The following SLC35F1 variants were observed in gnomAD, a reference collection of about 807,000 sequenced individuals.
The protein encoded by SLC35F1 is solute carrier family 35 member F1.
A neutral mutation model predicts 48.7 loss-of-function variants in SLC35F1; 14 were observed. The ratio of observed to expected loss-of-function variants is 0.29; its 90% confidence interval spans 0.19 to 0.45. The LOEUF (loss-of-function observed/expected upper bound fraction) is 0.45. Among genes scored for constraint, SLC35F1 ranks in the 20% least tolerant of loss-of-function variants. The pLI is 1.00. For synonymous variants in SLC35F1, 190 were observed against 202.2 expected (o/e 0.94, Z 0.51); for missense variants, 404 against 500.0 (o/e 0.81, Z 1.83).
intron 4 of SLC35F1, among the ~76,000 whole-genome samples, chr6:118,267,473 A>G (rs1414310793): frequency 2.0e-5 from 3 of 152,212 alleles, no homozygotes; most frequent in African/African-American, 7.2e-5. Context: ...TTCCTGAACC[A>G]GCTGCCTGGC....
At chr6:118,155,296 G>A (rs1236847171) in intron 2 of SLC35F1, among the ~76,000 whole-genome samples, 2 of 152,164 alleles carry the variant, frequency 1.3e-5, no homozygotes, top group Non-Finnish European at 2.9e-5. Context: ...TGGTTTGAAT[G>A]TCCCCTCCAA....
At chr6:118,309,681 T>A (rs1776351705) in intron 7 of SLC35F1, among the ~76,000 whole-genome samples, 1 of 152,210 alleles carries the variant, frequency 6.6e-6, no homozygotes, top group Non-Finnish European at 1.5e-5. Context: ...TAGATTTAAG[T>A]CCATTGAAGT....
chr6:118,254,802 A>C (rs539611384), intron 3 of SLC35F1, among the ~76,000 whole-genome samples: 1 of 152,130 alleles, frequency 6.6e-6, no homozygotes. Context: ...TGTTACTGTT[A>C]ATGTTCCTAT....
At chr6:118,190,970 A>C (rs1240207959) in intron 2 of SLC35F1, among the ~76,000 whole-genome samples, 1 of 152,200 alleles carries the variant, frequency 6.6e-6, no homozygotes, top group Non-Finnish European at 1.5e-5. Flanking sequence ...GAGAATTTAA[A>C]GTCTGTTGTG....
chr6:118,165,190 A>G (rs113918302), intron 2 of SLC35F1, among the ~76,000 whole-genome samples: 3,510 of 152,286 alleles, frequency 0.023, 135 homozygotes, highest in African/African-American at 0.079. Flanking sequence ...TGCTTGTTCT[A>G]GAGTTTTCAT....
At position 118,314,011 on chromosome 6, in the gene SLC35F1, C is replaced by G; in HGVS notation, c.1003-17C>G. 1 of 1,612,486 alleles carries G rather than the reference C, an allele frequency of 6.2e-7. No individual in the cohort carries two copies. The highest frequency in any genetic ancestry group is 2.2e-5 in the East Asian group (1 of 44,880). ...CTGCCCTGGCTGTCAAATGACTTTACTGTTGTGTTTTTTTAGTTTTCAGGA... is the reference window on the plus strand; with the variant it reads ...CTGCCCTGGCTGTCAAATGACTTTAGTGTTGTGTTTTTTTAGTTTTCAGGA... On this transcript the variant is annotated splice_polypyrimidine_tract_variant and intron_variant, in intron 7 of 7. Coordinates refer to ENST00000360388, the MANE Select transcript of SLC35F1 (RefSeq NM_001029858.4).
intron 1 of SLC35F1, among the ~76,000 whole-genome samples, chr6:118,069,076 A>T (rs920149222): frequency 6.6e-6 from 1 of 152,216 alleles, no homozygotes; most frequent in African/African-American, 2.4e-5. Flanking sequence ...AGAGAATAAA[A>T]AAATGATATA....
chr6:118,032,163 C>A (rs1772063921), intron 1 of SLC35F1, among the ~76,000 whole-genome samples: 2 of 152,212 alleles, frequency 1.3e-5, no homozygotes, highest in Admixed American at 1.3e-4. Context: ...GATACATTTT[C>A]TTTCTTTGGT....
chr6:118,033,820 C>G (rs1772087666), intron 1 of SLC35F1, among the ~76,000 whole-genome samples: 1 of 152,186 alleles, frequency 6.6e-6, no homozygotes, highest in African/African-American at 2.4e-5. Context: ...GATTGATTTA[C>G]TCAGTGAATA....
intron 7 of SLC35F1, among the ~76,000 whole-genome samples, chr6:118,303,016 C>A (rs375196578): frequency 2.0e-5 from 3 of 149,700 alleles, no homozygotes; most frequent in African/African-American, 7.3e-5. Flanking sequence ...AATATGATTT[C>A]TTTTTTGACA....
intron 2 of SLC35F1, among the ~76,000 whole-genome samples, chr6:118,227,062 G>A (rs1292582939): frequency 6.6e-6 from 1 of 152,170 alleles, no homozygotes; most frequent in African/African-American, 2.4e-5. Flanking sequence ...ACAGCCCACT[G>A]CGGAATGGCT....
intron 1 of SLC35F1, chr6:117,999,522 G>A (rs1435372679): frequency 2.1e-6 from 2 of 945,272 alleles, no homozygotes; most frequent in African/African-American, 3.3e-5. Flanking sequence ...CATCTGCATG[G>A]GGCTGGGGTC....
At chr6:118,138,109 G>A (rs1214953618) in intron 1 of SLC35F1, among the ~76,000 whole-genome samples, 1 of 151,940 alleles carries the variant, frequency 6.6e-6, no homozygotes, top group Non-Finnish European at 1.5e-5. Flanking sequence ...GGAGGTTCGA[G>A]ACCAGCCTGG....
intron 1 of SLC35F1, among the ~76,000 whole-genome samples, chr6:118,141,564 G>C (rs182221771): frequency 2.0e-5 from 3 of 152,114 alleles, no homozygotes; most frequent in Non-Finnish European, 4.4e-5. Flanking sequence ...GTTCCTGTGA[G>C]GGGCCCCCTT....
At chr6:117,922,463 A>G (rs1042807656) in intron 1 of SLC35F1, among the ~76,000 whole-genome samples, 2 of 152,346 alleles carry the variant, frequency 1.3e-5, no homozygotes, top group Middle Eastern at 3.4e-3. Context: ...TAGCAGATGC[A>G]AAGAAGTATA....
intron 1 of SLC35F1, among the ~76,000 whole-genome samples, chr6:117,923,916 A>T (rs1775981021): frequency 6.7e-6 from 1 of 150,286 alleles, no homozygotes. Flanking sequence ...GTGTGTACAT[A>T]TATACATATG....
rs997804295 is a variant in SLC35F1, at chr6:117,907,912, G to A, written c.173+13G>A. On this transcript the variant is annotated intron_variant, in intron 1 of 7. Coordinates refer to ENST00000360388, the MANE Select transcript of SLC35F1 (RefSeq NM_001029858.4). ...AAGTGCTGAACAGGTGAGCGGCGGC[G>A]CCGGGCGAGGGCGCGGGGGGCGGGG... is the stretch of plus-strand genomic sequence containing the variant. The A allele has an allele frequency of 4.5e-6, 6 of 1,318,906 alleles. No individual in the cohort carries two copies. The highest frequency in any genetic ancestry group is 2.8e-4 in the Middle Eastern group (1 of 3,520). The allele number at this position is 1,318,906 out of a possible 1,614,324, so 81.7% of individuals were successfully genotyped here.
At chr6:118,078,894 A>G (rs1772863766) in intron 1 of SLC35F1, among the ~76,000 whole-genome samples, 1 of 152,194 alleles carries the variant, frequency 6.6e-6, no homozygotes, top group Non-Finnish European at 1.5e-5. Flanking sequence ...ATCCTGAGTC[A>G]TGGCTGTTTA....
At chr6:117,947,183 A>T (rs1204269229) in intron 1 of SLC35F1, among the ~76,000 whole-genome samples, 1 of 152,192 alleles carries the variant, frequency 6.6e-6, no homozygotes, top group Non-Finnish European at 1.5e-5. Context: ...GACTGGAAGG[A>T]CATGAGGGAA....
Sources: allele counts gnomAD v4.1 joint callset (sites outside exome capture counted in the v4.1 genomes callset), GRCh38; gene constraint gnomAD v4.1.1; transcripts MANE v1.5; gene names NCBI Gene and HGNC (gene_info 2026-07-23, HGNC 2026-07-21).